The following MRPS28 variants were observed in gnomAD, a reference collection of about 807,000 sequenced individuals.
MRPS28 encodes the protein mitochondrial ribosomal protein S28.
MRPS28 carries 7 observed loss-of-function variants against 10.8 expected under a neutral mutation model. That is an observed-to-expected ratio of 0.65 (90% CI 0.37 to 1.22). The LOEUF (loss-of-function observed/expected upper bound fraction) is 1.22. MRPS28 is among the 50% of genes most tolerant of loss of function. The pLI, the probability that MRPS28 is intolerant of heterozygous loss-of-function variation, is 0.02. For synonymous variants in MRPS28, 121 were observed against 93.3 expected (o/e 1.30, Z -1.71); for missense variants, 265 against 232.9 (o/e 1.14, Z -0.90).
chr8:79,923,849 T>A lies in MRPS28; in HGVS notation c.396-4701A>T, dbSNP rs117662955. ...AGTAAACGAGACTGCATGTCTGAGC[T>A]GTATAGGAAAAGGGCAATTAAATCT... On this transcript the variant is annotated intron_variant, in intron 2 of 2. Transcript: ENST00000276585. Among the ~76,000 whole-genome samples, 76 of 152,282 alleles carry A rather than the reference T, an allele frequency of 5.0e-4. No individual in the cohort carries two copies. In the East Asian group the frequency reaches 0.013, roughly 26 times the overall value.
intron 2 of MRPS28, among the ~76,000 whole-genome samples, chr8:79,920,062 T>G (rs192491054): frequency 1.3e-5 from 2 of 151,510 alleles, no homozygotes; most frequent in African/African-American, 4.8e-5. Flanking sequence ...GTCCTTACGA[T>G]AGTTTGCTGA....
intron 2 of MRPS28, among the ~76,000 whole-genome samples, chr8:79,939,257 C>G (rs1806692784): frequency 6.6e-6 from 1 of 152,224 alleles, no homozygotes; most frequent in African/African-American, 2.4e-5. Context: ...TGCCAAGGAG[C>G]ACACGGATTC....
intron 1 of MRPS28, among the ~76,000 whole-genome samples, chr8:80,016,660 C>T (rs1809204432): frequency 6.6e-6 from 1 of 152,098 alleles, no homozygotes; most frequent in Non-Finnish European, 1.5e-5. Flanking sequence ...AAAATTAAAA[C>T]TTTTAAGTTT....
At chr8:80,000,296 G>C (rs1024121494) in intron 2 of MRPS28, among the ~76,000 whole-genome samples, 1 of 152,330 alleles carries the variant, frequency 6.6e-6, no homozygotes, top group Non-Finnish European at 1.5e-5. Flanking sequence ...TCTGGTAAGA[G>C]TAACTGGATA....
chr8:79,998,676 G>GC (rs1808574602), intron 2 of MRPS28, among the ~76,000 whole-genome samples: 1 of 152,140 alleles, frequency 6.6e-6, no homozygotes, highest in Admixed American at 6.5e-5. Flanking sequence ...GGGCCCAACT[G>GC]CCCCTTTATC....
intron 1 of MRPS28, 79 bp downstream of exon 1, chr8:80,029,957 C>G (rs1809609520): frequency 1.3e-6 from 2 of 1,546,518 alleles, no homozygotes; most frequent in African/African-American, 1.4e-5. Flanking sequence ...CTAAGCCAGG[C>G]TCCGCCCCTA....
At position 79,943,969 on chromosome 8, in the gene MRPS28, T is replaced by A. The variant is rs533234801; in HGVS notation, c.396-24821A>T. Among the ~76,000 whole-genome samples the A allele has an allele frequency of 5.7e-3, 862 of 152,326 alleles. 11 individuals carry two copies. Among genetic ancestry groups the A allele is most frequent in the East Asian group, 0.056 (291 of 5,180 alleles). ...GTTCATTTTAGCCATAGTAAAAATC[T>A]ACATTCCAGATTTGGCCACCGTAAG... On this transcript the variant is annotated intron_variant, in intron 2 of 2. Coordinates refer to ENST00000276585, the MANE Select transcript of MRPS28 (RefSeq NM_014018.3).
intron 2 of MRPS28, among the ~76,000 whole-genome samples, chr8:79,930,987 G>A (rs1220897851): frequency 2.6e-5 from 4 of 152,014 alleles, no homozygotes; most frequent in African/African-American, 9.7e-5. Context: ...GGATGTTGAG[G>A]CAATTTCCTG....
Position 79,958,826 on chromosome 8 carries a change from AAAT to A in MRPS28, c.396-39681_396-39679del, listed in dbSNP as rs1433524982. 2.0e-5 allele frequency among the ~76,000 whole-genome samples: 3 copies of A among 152,234 alleles called. No homozygotes were observed. The East Asian group carries it at 5.8e-4, about 29-fold the overall frequency. On this transcript the variant is annotated intron_variant, in intron 2 of 2. Coordinates refer to ENST00000276585, the MANE Select transcript of MRPS28 (RefSeq NM_014018.3). ...TCACATTTAACCCCCAAGTATATAA[AAAT>A]TAGTTTGGATTTACTCAATTCACTT...
intron 2 of MRPS28, among the ~76,000 whole-genome samples, chr8:79,936,460 T>A (rs372660587): frequency 2.6e-5 from 4 of 152,368 alleles, no homozygotes; most frequent in East Asian, 1.9e-4. Context: ...GTCATATGAA[T>A]GTTTTATACC....
chr8:79,958,347 G>A (rs2129994985), intron 2 of MRPS28: 3 of 695,376 alleles, frequency 4.3e-6, no homozygotes, highest in Non-Finnish European at 7.8e-6. Flanking sequence ...TATCTTTTAC[G>A]ATGTTTTCCA....
chr8:79,950,370 C>T (rs1807049112), intron 2 of MRPS28, among the ~76,000 whole-genome samples: 2 of 152,206 alleles, frequency 1.3e-5, no homozygotes, highest in South Asian at 4.2e-4. Flanking sequence ...TTGAATGACT[C>T]TATTCTCAAT....
At chr8:80,003,870 C>A (rs1808742497) in intron 1 of MRPS28, among the ~76,000 whole-genome samples, 2 of 152,190 alleles carry the variant, frequency 1.3e-5, no homozygotes, top group Non-Finnish European at 2.9e-5. Flanking sequence ...GTCCCATGCC[C>A]ACGGAGCCTC....
At chr8:80,014,192 T>C (rs1378538039) in intron 1 of MRPS28, among the ~76,000 whole-genome samples, 1 of 152,010 alleles carries the variant, frequency 6.6e-6, no homozygotes, top group Non-Finnish European at 1.5e-5. Flanking sequence ...ACAAGGAGAA[T>C]AGCTAAAAAC....
intron 2 of MRPS28, among the ~76,000 whole-genome samples, chr8:79,933,358 C>A (rs1806518093): frequency 6.6e-6 from 1 of 152,192 alleles, no homozygotes; most frequent in South Asian, 2.1e-4. Context: ...TATGAGGCCA[C>A]CAATCCCACT....
At chr8:79,977,957 CA>C (rs894905105) in intron 2 of MRPS28, among the ~76,000 whole-genome samples, 86 of 151,360 alleles carry the variant, frequency 5.7e-4, no homozygotes, top group Non-Finnish European at 7.2e-4. Context: ...CTTTTTCTTA[CA>C]AAAAATGCAA....
intron 2 of MRPS28, among the ~76,000 whole-genome samples, chr8:79,950,462 T>C (rs1181002042): frequency 1.3e-5 from 2 of 152,216 alleles, no homozygotes; most frequent in Admixed American, 6.5e-5. Context: ...TATAATTCTC[T>C]AGATAAGCCT....
intron 2 of MRPS28, among the ~76,000 whole-genome samples, chr8:79,968,067 T>C (rs940123373): frequency 6.6e-6 from 1 of 152,124 alleles, no homozygotes; most frequent in African/African-American, 2.4e-5. Context: ...CTTATTTACT[T>C]ATCAATTCTT....
rs796573322 is a variant in MRPS28 at position 80,024,229 on chromosome 8, G to GA, written c.213+5806dup. ...CAGCAACAGAGCAAGACCCTGTCTG[G>GA]AAAAAAAAAAAAGATTTGGTTGCTA... is the stretch of plus-strand genomic sequence containing the variant. On this transcript the variant is annotated intron_variant, in intron 1 of 2. Coordinates refer to ENST00000276585, the MANE Select transcript of MRPS28 (RefSeq NM_014018.3). Among the ~76,000 whole-genome samples, 623 of 139,138 alleles carry GA rather than the reference G, an allele frequency of 4.5e-3. 10 individuals are homozygous for GA. The highest frequency in any genetic ancestry group is 0.013 in the African/African-American group (502 of 38,014). The allele number at this position is 139,138 out of a possible 152,430, so 91.3% of individuals were successfully genotyped here.
Sources: allele counts gnomAD v4.1 joint callset (sites outside exome capture counted in the v4.1 genomes callset), GRCh38; gene constraint gnomAD v4.1.1; transcripts MANE v1.5; gene names NCBI Gene and HGNC (gene_info 2026-07-23, HGNC 2026-07-21).